The following OGFOD1 variants were observed in gnomAD, a reference collection of about 807,000 sequenced individuals.
OGFOD1 encodes 2-oxoglutarate and iron dependent oxygenase domain containing 1.
A neutral mutation model predicts 67.7 loss-of-function variants in OGFOD1; 54 were observed. The observed-to-expected ratio is 0.80, with a 90% confidence interval of 0.64 to 1.00. The LOEUF is 1.00. Among genes scored for constraint, OGFOD1 ranks in the 50% least tolerant of loss-of-function variants. The pLI, the probability that OGFOD1 is intolerant of heterozygous loss-of-function variation, is 0.00. For missense variants in OGFOD1, 606 were observed against 646.7 expected, an observed-to-expected ratio of 0.94 and a Z score of 0.68; for synonymous variants, 221 against 227.0, an observed-to-expected ratio of 0.97 and a Z score of 0.24.
chr16:56,462,565 C>G lies in OGFOD1; in HGVS notation c.379C>G (p.Leu127Val). 6.2e-7 allele frequency: 1 copy of G among 1,612,744 alleles called. No individual in the cohort carries two copies. The highest frequency in any genetic ancestry group is 8.5e-7 in the Non-Finnish European group (1 of 1,178,840). Residue 127 changes from leucine (L) to valine (V), a missense_variant, in exon 4 of 13, where the codon CTT (leucine) becomes GTT (valine). Leu to Val is a conservative substitution (Grantham distance 32, BLOSUM62 1). Transcript: ENST00000566157. The stretch of plus-strand genomic sequence containing the variant: ...TCTGTTTGAAGATTTCCGGTCCTGG[C>G]TTTCTGATATTTCTAAAATTGACCT... ...KILFEDFRSW[L>V]SDISKIDLES...
chr16:56,454,740 T>C, intron 2 of OGFOD1: 1 of 430,410 alleles, frequency 2.3e-6, no homozygotes, highest in Non-Finnish European at 4.6e-6. Flanking sequence ...AGAGAGTAAA[T>C]AACGAATTTC....
chr16:56,461,867 C>T (rs1239823993), intron 3 of OGFOD1, among the ~76,000 whole-genome samples: 2 of 151,976 alleles, frequency 1.3e-5, no homozygotes, highest in East Asian at 3.9e-4. Flanking sequence ...CCGAGGCAGG[C>T]GGATCACTTG....
chr16:56,451,553 A>C (rs1187861049), upstream of OGFOD1: 1 of 1,574,164 alleles, frequency 6.4e-7, no homozygotes, highest in East Asian at 2.2e-5. Context: ...CGGGAGTTGC[A>C]GTACCCTCAG....
chr16:56,469,897 T>C, intron 8 of OGFOD1, 106 bp from the exon 9 acceptor site: 2 of 821,096 alleles, frequency 2.4e-6, no homozygotes, highest in South Asian at 3.3e-5. Context: ...ACTGCACCTT[T>C]TAGGAATCAG....
At chr16:56,466,997 C>G (rs762246735) in intron 6 of OGFOD1, 30 bp downstream of exon 6, 55 of 1,558,018 alleles carry the variant, frequency 3.5e-5, no homozygotes, top group Non-Finnish European at 4.7e-5. Flanking sequence ...AATAGAGTAG[C>G]AAGGATTATG....
intron 10 of OGFOD1, among the ~76,000 whole-genome samples, chr16:56,471,171 G>A (rs1963160780): frequency 6.7e-6 from 1 of 149,484 alleles, no homozygotes; most frequent in African/African-American, 2.5e-5. Context: ...GACCAACATG[G>A]CAAAACCCCG....
chr16:56,467,849 A>G lies in OGFOD1; in HGVS notation c.787-56A>G, dbSNP rs1270142055. ...TTTTATTAGTGTGAAATGATGTAAG[A>G]GCAAAAGCAATAGGAATTATTAACT... On this transcript the variant is annotated intron_variant, in intron 7 of 12. Coordinates refer to ENST00000566157, the MANE Select transcript of OGFOD1 (RefSeq NM_018233.4). The G allele has an allele frequency of 3.6e-6, 3 of 844,758 alleles. No individual in the cohort carries two copies. The East Asian group carries it at 7.2e-5, about 20-fold the overall frequency. 52.3% of individuals were successfully genotyped at this position (844,758 alleles called of 1,614,324 possible). A position where few individuals can be genotyped will look rare whatever the true frequency, so the allele number is the denominator to read the frequency against.
At chr16:56,454,341 AC>A (rs767103402) in intron 2 of OGFOD1, among the ~76,000 whole-genome samples, 17 of 152,112 alleles carry the variant, frequency 1.1e-4, no homozygotes, top group Non-Finnish European at 2.4e-4. Context: ...AGAGCAAAAT[AC>A]CATCTCAAAA....
At chr16:56,453,533 C>G (rs8056171) in intron 2 of OGFOD1, 125 bp downstream of exon 2, 200,269 of 848,602 alleles carry the variant, frequency 0.24, 27,531 homozygotes, top group African/African-American at 0.49. Context: ...CATTGACATT[C>G]TTAAGAGCAT....
At chr16:56,453,198 T>C in intron 1 of OGFOD1, 65 bp from the exon 2 acceptor site, 1 of 1,516,636 alleles carries the variant, frequency 6.6e-7, no homozygotes, top group South Asian at 1.3e-5. Context: ...TTAGCTCTGC[T>C]ATGTTACTTG....
chr16:56,452,393 T>A (rs539165039), intron 1 of OGFOD1, among the ~76,000 whole-genome samples: 1 of 152,202 alleles, frequency 6.6e-6, no homozygotes, highest in Non-Finnish European at 1.5e-5. Context: ...TGTATGAAAA[T>A]AAACGCGCTT....
intron 10 of OGFOD1, among the ~76,000 whole-genome samples, chr16:56,471,115 G>A (rs1297385254): frequency 6.6e-6 from 1 of 151,938 alleles, no homozygotes; most frequent in Non-Finnish European, 1.5e-5. Context: ...ACTTTTGGAG[G>A]CGGAGGCAGT....
At chr16:56,460,676 A>T (rs1438352648) in intron 3 of OGFOD1, among the ~76,000 whole-genome samples, 5 of 152,206 alleles carry the variant, frequency 3.3e-5, no homozygotes, top group African/African-American at 1.2e-4. Flanking sequence ...TGTATAATAT[A>T]AAAAGGTATT....
At chr16:56,471,958 T>C (rs1210131649) in intron 10 of OGFOD1, among the ~76,000 whole-genome samples, 1 of 151,092 alleles carries the variant, frequency 6.6e-6, no homozygotes, top group Non-Finnish European at 1.5e-5. Context: ...CACTTCTGTT[T>C]GTTTGTTTGT....
rs1397132272 is a variant in OGFOD1, at chr16:56,478,230, C to T, written c.*2025C>T. On this transcript the variant is annotated 3_prime_UTR_variant, in exon 13 of 13. Coordinates refer to ENST00000566157, the MANE Select transcript of OGFOD1 (RefSeq NM_018233.4). ...CTGGAGTACAGTGGCATGATATCGGCTCACTGTGACCTCTGTCTCCTGGGT... is the reference window on the plus strand; with the variant it reads ...CTGGAGTACAGTGGCATGATATCGGTTCACTGTGACCTCTGTCTCCTGGGT... The T allele has an allele frequency of 6.6e-6, 1 of 152,110 alleles. No homozygotes were observed. Among genetic ancestry groups the T allele is most frequent in the Non-Finnish European group, 1.5e-5 (1 of 68,030 alleles). The allele number at this position is 152,110 out of a possible 1,614,324, so 9.4% of individuals were successfully genotyped here.
rs562983614 is a variant in OGFOD1, at chr16:56,451,836, C to A, written c.154+70C>A. The A allele has an allele frequency of 4.5e-6, 7 of 1,543,410 alleles. No individual in the cohort carries two copies. In the East Asian group the frequency reaches 1.1e-4, roughly 25 times the overall value. ...GGATCTCTGAAAAAGCCCTGGGACTCGCGCCCAGCCTTGGGCAGCGGGGCC... is the reference window on the plus strand; with the variant it reads ...GGATCTCTGAAAAAGCCCTGGGACTAGCGCCCAGCCTTGGGCAGCGGGGCC... On this transcript the variant is annotated intron_variant, in intron 1 of 12. Transcript: ENST00000566157.
chr16:56,457,438 G>A (rs1466792026), intron 2 of OGFOD1, among the ~76,000 whole-genome samples: 1 of 152,206 alleles, frequency 6.6e-6, no homozygotes, highest in African/African-American at 2.4e-5. Flanking sequence ...GTTTCTATTT[G>A]GAGTGTTAAA....
chr16:56,469,645 C>T (rs1170539528), intron 8 of OGFOD1, among the ~76,000 whole-genome samples: 4 of 151,806 alleles, frequency 2.6e-5, no homozygotes, highest in Admixed American at 6.6e-5. Flanking sequence ...ACCTGAGGGT[C>T]GGGAGTTCGA....
chr16:56,466,952 T>C lies in OGFOD1; in HGVS notation c.642T>C (p.Pro214=). The C allele has an allele frequency of 6.2e-7, 1 of 1,611,838 alleles. No individual in the cohort carries two copies. The highest frequency in any genetic ancestry group is 8.5e-7 in the Non-Finnish European group (1 of 1,177,870). ...AACTGGTTTTCTTTGAAGTATCTCC[T>C]GTGTCCTTTCACCAGGTAAAGACTG... is the stretch of plus-strand genomic sequence containing the variant. ...WNKLVFFEVS[P]VSFHQVSEVL... is the part of the protein sequence containing the mutation. Residue 214 remains proline, a synonymous_variant, in exon 6 of 13, where the codon CCT becomes CCC. Transcript: ENST00000566157.
Sources: gnomAD v4.1 joint callset for allele counts (sites outside exome capture counted in the v4.1 genomes callset) on GRCh38, gnomAD v4.1.1 for gene constraint, MANE v1.5 for transcripts, NCBI Gene and HGNC (gene_info 2026-07-23, HGNC 2026-07-21) for gene names.